Variants in OVOL2 observed in about 807,000 individuals in gnomAD.
OVOL2 encodes transcription factor Ovo-like 2.
A neutral mutation model predicts 18.1 loss-of-function variants in OVOL2; 13 were observed. The ratio of observed to expected loss-of-function variants is 0.72; its 90% confidence interval spans 0.47 to 1.14. The LOEUF is 1.14. OVOL2 is among the 50% of genes most tolerant of loss of function. The probability of loss-of-function intolerance (pLI) is 0.00; values close to 1 mark genes in which losing one functional copy is unlikely to be tolerated. For synonymous variants in OVOL2, 166 were observed against 162.7 expected, an observed-to-expected ratio of 1.02 and a Z score of -0.16; for missense variants, 335 against 383.0, an observed-to-expected ratio of 0.87 and a Z score of 1.05.
chr20:18,040,936 T>G (rs2036662027), intron 3 of OVOL2, among the ~76,000 whole-genome samples: 1 of 152,186 alleles, frequency 6.6e-6, no homozygotes, highest in Admixed American at 6.5e-5. Flanking sequence ...GGCTGAGCTG[T>G]GGCAGGCCCC....
At chr20:18,032,313 GA>G (rs1236352027) in intron 3 of OVOL2, among the ~76,000 whole-genome samples, 10 of 141,722 alleles carry the variant, frequency 7.1e-5, no homozygotes, top group Admixed American at 3.0e-4. Context: ...GAAGGAGAGA[GA>G]GAGAGAAAGA....
At chr20:18,058,620 C>G (rs375866338), upstream of OVOL2, among the ~76,000 whole-genome samples, 4 of 151,904 alleles carry the variant, frequency 2.6e-5, no homozygotes, top group East Asian at 7.8e-4. Context: ...AATGCAGCTT[C>G]AAAACAAGCC....
intron 2 of OVOL2, among the ~76,000 whole-genome samples, chr20:18,047,195 T>C (rs1600448596): frequency 6.6e-6 from 1 of 152,204 alleles, no homozygotes; most frequent in African/African-American, 2.4e-5. Flanking sequence ...AGCCTTCATT[T>C]CATCACCTGT....
At chr20:18,036,510 C>T (rs2036616160) in intron 3 of OVOL2, among the ~76,000 whole-genome samples, 1 of 152,132 alleles carries the variant, frequency 6.6e-6, no homozygotes, top group Admixed American at 6.6e-5. Flanking sequence ...AGCCTTTCCC[C>T]TAAGGTGATA....
At chr20:18,031,089 G>A (rs1005297405) in intron 3 of OVOL2, among the ~76,000 whole-genome samples, 2 of 152,178 alleles carry the variant, frequency 1.3e-5, no homozygotes, top group African/African-American at 4.8e-5. Context: ...GTCTAAAGCA[G>A]GACATGGGAA....
intron 2 of OVOL2, among the ~76,000 whole-genome samples, chr20:18,054,389 C>G (rs1328501069): frequency 2.0e-5 from 3 of 152,232 alleles, no homozygotes; most frequent in Non-Finnish European, 4.4e-5. Flanking sequence ...TGTTGCTTCT[C>G]TGTGCCAGGC....
intron 2 of OVOL2, among the ~76,000 whole-genome samples, chr20:18,054,636 G>A (rs2036800216): frequency 6.6e-6 from 1 of 152,042 alleles, no homozygotes; most frequent in African/African-American, 2.4e-5. Context: ...CAGCTGCTCG[G>A]AAGGCTGAGG....
chr20:18,048,211 C>T (rs111830171), intron 2 of OVOL2, among the ~76,000 whole-genome samples: 3,032 of 151,950 alleles, frequency 0.02, 107 homozygotes, highest in African/African-American at 0.069. Flanking sequence ...CACTTGAACC[C>T]GGGAGGCGGA....
Position 18,056,703 on chromosome 20 carries a change from C to A in OVOL2, c.275G>T (p.Gly92Val). The A allele has an allele frequency of 6.9e-7, 1 of 1,455,864 alleles. No homozygotes were observed. Among genetic ancestry groups the A allele is most frequent in the Non-Finnish European group, 9.0e-7 (1 of 1,109,792 alleles). 90.2% of individuals were successfully genotyped at this position (1,455,864 alleles called of 1,614,324 possible). A position where few individuals can be genotyped will look rare whatever the true frequency, so the allele number is the denominator to read the frequency against. ...PEPGDAEGPD[G>V]HLATKQRPVA... ...CGGGCGCTGCTTGGTCGCCAGGTGT[C>A]CATCGGGGCCCTCGGCGTCGCCGGG... The change falls in exon 2 of 4, where the codon GGA becomes GTA. Residue 92 changes from glycine to valine, a missense_variant. Physicochemically the swap from Gly to Val is moderately radical, Grantham distance 109. Coordinates refer to ENST00000278780, the MANE Select transcript of OVOL2 (RefSeq NM_021220.4). The surrounding 1 kb of genome is among the most constrained non-coding windows in gnomAD (Gnocchi z 4.2).
intron 3 of OVOL2, among the ~76,000 whole-genome samples, chr20:18,029,016 A>G (rs531955086): frequency 2.0e-5 from 3 of 146,790 alleles, no homozygotes; most frequent in Non-Finnish European, 4.5e-5. Flanking sequence ...AATTATATAT[A>G]TGTACATTTT....
chr20:18,051,485 G>A (rs188043739), intron 2 of OVOL2, among the ~76,000 whole-genome samples: 9 of 152,224 alleles, frequency 5.9e-5, no homozygotes, highest in South Asian at 2.1e-4. Context: ...TTTAGGTCCT[G>A]AGCATCAACA....
chr20:18,037,122 C>A (rs1476420159), intron 3 of OVOL2, among the ~76,000 whole-genome samples: 2 of 125,790 alleles, frequency 1.6e-5, no homozygotes, highest in South Asian at 2.3e-4. Flanking sequence ...GGCGACAGAG[C>A]GAGACTCCGT....
chr20:18,047,783 G>A (rs1244247897), intron 2 of OVOL2, among the ~76,000 whole-genome samples: 11 of 148,298 alleles, frequency 7.4e-5, no homozygotes, highest in Non-Finnish European at 1.6e-4. Flanking sequence ...GAACCCGGGA[G>A]GCGGAGGTTG....
At chr20:18,053,914 C>A (rs1209501588) in intron 2 of OVOL2, among the ~76,000 whole-genome samples, 1 of 152,086 alleles carries the variant, frequency 6.6e-6, no homozygotes, top group African/African-American at 2.4e-5. Context: ...GAGCTTCATC[C>A]TTTCTATGCT....
rs2036831429 is a variant in OVOL2, at chr20:18,056,784, G to A, written c.194C>T (p.Pro65Leu). 1 of 1,503,986 alleles carries A rather than the reference G, an allele frequency of 6.6e-7. No individual in the cohort carries two copies. The highest frequency in any genetic ancestry group is 8.8e-7 in the Non-Finnish European group (1 of 1,133,982). 93.2% of individuals were successfully genotyped at this position (1,503,986 alleles called of 1,614,324 possible). ...SGSGSSSAGE[P>L]GGAESSSSPH... ...GGACGAGCTGCTCTCTGCTCCTCCAGGCTCCCCCGCGCTGCTGCTGCCGCT... is the reference window on the plus strand; with the variant it reads ...GGACGAGCTGCTCTCTGCTCCTCCAAGCTCCCCCGCGCTGCTGCTGCCGCT... Residue 65 changes from proline to leucine, a missense_variant, in exon 2 of 4, where the codon CCT becomes CTT. Physicochemically the swap from Pro to Leu is moderately conservative, Grantham distance 98 (BLOSUM62 -3). Transcript: ENST00000278780. This position sits in a 1 kb window ranked among gnomAD's most constrained non-coding sequence, Gnocchi z 4.2.
chr20:18,037,895 A>G (rs2036632014), intron 3 of OVOL2, among the ~76,000 whole-genome samples: 1 of 144,632 alleles, frequency 6.9e-6, no homozygotes, highest in Admixed American at 7.1e-5. Context: ...TCCCAAATAC[A>G]TTGCTCACAT....
At chr20:18,027,890 C>T (rs1204666184) in intron 3 of OVOL2, among the ~76,000 whole-genome samples, 2 of 152,080 alleles carry the variant, frequency 1.3e-5, no homozygotes, top group Admixed American at 6.5e-5. Context: ...CCACTGCGCC[C>T]GGCTGTAAGG....
intron 2 of OVOL2, among the ~76,000 whole-genome samples, chr20:18,055,205 ATT>A (rs1402117890): frequency 6.6e-6 from 1 of 152,116 alleles, no homozygotes; most frequent in East Asian, 1.9e-4. Flanking sequence ...TGCCTAAAAT[ATT>A]TGTTAAGAGA....
At chr20:18,034,139 T>C (rs1366002051) in intron 3 of OVOL2, among the ~76,000 whole-genome samples, 2 of 152,148 alleles carry the variant, frequency 1.3e-5, no homozygotes, top group East Asian at 3.8e-4. Context: ...CCAGACCGCT[T>C]TTCTGGGTCA....
Sources: gnomAD v4.1 joint callset for allele counts (sites outside exome capture counted in the v4.1 genomes callset) on GRCh38, gnomAD v4.1.1 for gene constraint, Gnocchi (gnomAD v3.1) non-coding constraint, MANE v1.5 for transcripts, NCBI Gene and HGNC (gene_info 2026-07-23, HGNC 2026-07-21) for gene names.